LRRTM4: variants seen among roughly 807,000 people sequenced by gnomAD.
LRRTM4 encodes leucine-rich repeat transmembrane neuronal protein 4.
In LRRTM4, 25 loss-of-function variants were observed where a neutral mutation model predicts 47.6. The observed-to-expected ratio is 0.53, with a 90% CI of 0.38 to 0.73. The LOEUF (loss-of-function observed/expected upper bound fraction) is 0.73, where lower values mean the gene tolerates loss of function less well. Ranked by LOEUF, LRRTM4 falls within the 30% of genes least tolerant of loss-of-function variation. The probability of loss-of-function intolerance (pLI) is 0.00; values close to 1 mark genes in which losing one functional copy is unlikely to be tolerated. For missense variants in LRRTM4, 638 were observed against 713.4 expected, an observed-to-expected ratio of 0.89 and a Z score of 1.20; for synonymous variants, 311 against 269.5, an observed-to-expected ratio of 1.15 and a Z score of -1.51.
chr2:77,030,541 T>C, intron 3 of LRRTM4, among the ~76,000 whole-genome samples: 1 of 152,292 alleles, frequency 6.6e-6, no homozygotes, highest in East Asian at 1.9e-4. Flanking sequence ...TGAATATAAA[T>C]ACTTCCAACA....
chr2:77,239,040 C>T (rs1675189326), intron 3 of LRRTM4, among the ~76,000 whole-genome samples: 1 of 151,398 alleles, frequency 6.6e-6, no homozygotes, highest in Non-Finnish European at 1.5e-5. Context: ...ACTATAATAT[C>T]AAAGAGAAAT....
chr2:77,082,993 T>C, intron 3 of LRRTM4, among the ~76,000 whole-genome samples: 1 of 152,286 alleles, frequency 6.6e-6, no homozygotes, highest in African/African-American at 2.4e-5. Flanking sequence ...AATTTGATAT[T>C]TTCAGTTTTC....
chr2:77,057,606 C>A (rs370108307), intron 3 of LRRTM4, among the ~76,000 whole-genome samples: 1 of 152,132 alleles, frequency 6.6e-6, no homozygotes, highest in South Asian at 2.1e-4. Flanking sequence ...CCCAGCTAGT[C>A]CAGTGATTTA....
intron 3 of LRRTM4, among the ~76,000 whole-genome samples, chr2:77,145,437 C>T (rs78662186): frequency 0.032 from 4,777 of 151,484 alleles, 232 homozygotes; most frequent in African/African-American, 0.11. Context: ...AATATTTGAA[C>T]GAATTAAAAT....
chr2:77,137,764 A>T (rs373917386), intron 3 of LRRTM4, among the ~76,000 whole-genome samples: 40 of 152,276 alleles, frequency 2.6e-4, no homozygotes, highest in African/African-American at 8.4e-4. Flanking sequence ...GGCTCAAAAT[A>T]AAGGGATGGA....
At chr2:76,846,348 C>G (rs903899555) in intron 3 of LRRTM4, among the ~76,000 whole-genome samples, 1 of 152,062 alleles carries the variant, frequency 6.6e-6, no homozygotes, top group East Asian at 1.9e-4. Flanking sequence ...GCCCTGGTCC[C>G]GGTGCCATAA....
intron 3 of LRRTM4, among the ~76,000 whole-genome samples, chr2:76,963,249 AAACC>A (rs979389551): frequency 9.9e-5 from 15 of 151,100 alleles, no homozygotes; most frequent in African/African-American, 3.6e-4. Flanking sequence ...TATAGACTAC[AAACC>A]AAGGGTCAAC....
chr2:77,132,095 TTCTA>T (rs1190702952), intron 3 of LRRTM4, among the ~76,000 whole-genome samples: 2 of 152,170 alleles, frequency 1.3e-5, no homozygotes. Context: ...TTAGAAATTA[TTCTA>T]TCTAACTGTA....
chr2:77,366,220 A>G (rs1672450741), intron 3 of LRRTM4, among the ~76,000 whole-genome samples: 1 of 151,852 alleles, frequency 6.6e-6, no homozygotes, highest in Admixed American at 6.6e-5. Context: ...CCCTGACAAC[A>G]GTATTAACAG....
At chr2:77,072,382 A>G (rs980144934) in intron 3 of LRRTM4, among the ~76,000 whole-genome samples, 1 of 152,316 alleles carries the variant, frequency 6.6e-6, no homozygotes, top group African/African-American at 2.4e-5. Context: ...TTGAAACATT[A>G]TTTCTGTGAA....
chr2:77,360,467 A>G lies in LRRTM4; in HGVS notation c.1551+157851T>C, dbSNP rs1337368232. Among the ~76,000 whole-genome samples, 6 of 139,960 alleles carry G rather than the reference A, an allele frequency of 4.3e-5. No homozygotes were observed. In the East Asian group the frequency reaches 1.3e-3, roughly 31 times the overall value. The allele number at this position is 139,960 out of a possible 152,430, so 91.8% of individuals were successfully genotyped here. ...AGCGAGACTCCATCTCAAAAAATAC[A>G]ATACGATATGATACGATACGATACG... On this transcript the variant is annotated intron_variant, in intron 3 of 3. Transcript: ENST00000409884.
chr2:76,893,549 T>C (rs1338099143), intron 3 of LRRTM4, among the ~76,000 whole-genome samples: 4 of 151,854 alleles, frequency 2.6e-5, no homozygotes, highest in African/African-American at 7.2e-5. Context: ...AGGTTTTTTC[T>C]ACTTGTGGTT....
intron 3 of LRRTM4, among the ~76,000 whole-genome samples, chr2:77,133,755 A>G (rs980612639): frequency 6.6e-6 from 1 of 152,124 alleles, no homozygotes; most frequent in Non-Finnish European, 1.5e-5. Flanking sequence ...CTGCCTCCTC[A>G]CTGTATGTGT....
At chr2:77,190,908 A>T (rs1345931456) in intron 3 of LRRTM4, among the ~76,000 whole-genome samples, 1 of 152,206 alleles carries the variant, frequency 6.6e-6, no homozygotes, top group African/African-American at 2.4e-5. Context: ...TTCCTAATGT[A>T]GTATGGAACA....
At chr2:77,236,410 T>C (rs1165408300) in intron 3 of LRRTM4, among the ~76,000 whole-genome samples, 1 of 152,102 alleles carries the variant, frequency 6.6e-6, no homozygotes, top group African/African-American at 2.4e-5. Flanking sequence ...TCTAAGAGCA[T>C]TTTGGTGGAA....
intron 3 of LRRTM4, among the ~76,000 whole-genome samples, chr2:76,813,535 T>A (rs1272598450): frequency 2.0e-5 from 3 of 152,160 alleles, no homozygotes; most frequent in Admixed American, 6.6e-5. Flanking sequence ...TTTCATTTTT[T>A]AAAAATATAT....
chr2:77,479,237 G>A (rs570743441), intron 3 of LRRTM4, among the ~76,000 whole-genome samples: 192 of 152,130 alleles, frequency 1.3e-3, no homozygotes, highest in African/African-American at 4.4e-3. Context: ...TGTTTCCTAA[G>A]CAATTTAGTT....
intron 3 of LRRTM4, among the ~76,000 whole-genome samples, chr2:77,110,786 A>G (rs1671227410): frequency 6.6e-6 from 1 of 152,210 alleles, no homozygotes; most frequent in Non-Finnish European, 1.5e-5. Flanking sequence ...TCACACTGTT[A>G]TATACAGTTT....
chr2:77,249,420 G>A (rs923583661), intron 3 of LRRTM4, among the ~76,000 whole-genome samples: 8 of 151,708 alleles, frequency 5.3e-5, no homozygotes, highest in Non-Finnish European at 8.8e-5. Context: ...AGTATGAAAT[G>A]AGAAGCCACA....
Sources: allele counts gnomAD v4.1 joint callset (sites outside exome capture counted in the v4.1 genomes callset), GRCh38; gene constraint gnomAD v4.1.1; transcripts MANE v1.5; gene names NCBI Gene and HGNC (gene_info 2026-07-23, HGNC 2026-07-21).